RAD51B: variants seen among roughly 807,000 people sequenced by gnomAD.
RAD51B encodes the protein RAD51 paralog B, also known as DNA repair protein RAD51 homolog 2.
RAD51B carries 38 observed loss-of-function variants against 42.2 expected under a neutral mutation model. The observed-to-expected ratio is 0.90, with a 90% CI of 0.70 to 1.18. The LOEUF is 1.18. Ranked by LOEUF, RAD51B falls within the 50% of genes most tolerant of loss-of-function variation. The pLI is 0.00. For missense variants in RAD51B, 373 were observed against 400.7 expected (o/e 0.93, Z 0.59); for synonymous variants, 154 against 145.2 (o/e 1.06, Z -0.43).
At chr14:67,922,547 ATT>A (rs796316732) in intron 7 of RAD51B, among the ~76,000 whole-genome samples, 7 of 143,868 alleles carry the variant, frequency 4.9e-5, no homozygotes, top group Non-Finnish European at 7.7e-5. Flanking sequence ...TATGTACTTA[ATT>A]TTTTTTTTTT....
At chr14:68,191,092 G>A (rs1248877159) in intron 7 of RAD51B, among the ~76,000 whole-genome samples, 3 of 152,052 alleles carry the variant, frequency 2.0e-5, no homozygotes, top group Non-Finnish European at 4.4e-5. Context: ...ATATAAAAAA[G>A]TACTTGTGTT....
intron 11 of RAD51B, among the ~76,000 whole-genome samples, chr14:68,672,531 ACTTT>A (rs1893179735): frequency 6.6e-6 from 1 of 152,140 alleles, no homozygotes; most frequent in Non-Finnish European, 1.5e-5. Flanking sequence ...CTATTTAAGA[ACTTT>A]CTTTCTCTCA....
chr14:67,983,356 G>T (rs965471457), intron 7 of RAD51B, among the ~76,000 whole-genome samples: 1 of 152,138 alleles, frequency 6.6e-6, no homozygotes, highest in Non-Finnish European at 1.5e-5. Context: ...CCCATATTTT[G>T]CTGCTTCTGT....
intron 10 of RAD51B, among the ~76,000 whole-genome samples, chr14:68,553,272 A>T (rs1376839889): frequency 2.0e-5 from 3 of 152,324 alleles, no homozygotes; most frequent in African/African-American, 7.2e-5. Context: ...CTTTATCCAT[A>T]AATCTTTTGG....
intron 10 of RAD51B, among the ~76,000 whole-genome samples, chr14:68,554,860 T>C (rs1451634422): frequency 6.6e-6 from 1 of 151,782 alleles, no homozygotes; most frequent in Non-Finnish European, 1.5e-5. Flanking sequence ...AAAAGTTTTT[T>C]TTTTTTTTTT....
chr14:68,293,382 T>C (rs2081551858), intron 8 of RAD51B, among the ~76,000 whole-genome samples: 2 of 152,224 alleles, frequency 1.3e-5, no homozygotes, highest in Non-Finnish European at 2.9e-5. Flanking sequence ...AATCAGCAAA[T>C]GCTGAAAATC....
At chr14:68,402,229 T>G (rs1320528192) in intron 8 of RAD51B, among the ~76,000 whole-genome samples, 1 of 152,234 alleles carries the variant, frequency 6.6e-6, no homozygotes, top group Non-Finnish European at 1.5e-5. Flanking sequence ...TAACCTATTA[T>G]AGGCAGTTTC....
At chr14:68,159,966 C>A (rs2078602545) in intron 7 of RAD51B, among the ~76,000 whole-genome samples, 1 of 152,032 alleles carries the variant, frequency 6.6e-6, no homozygotes, top group African/African-American at 2.4e-5. Context: ...CTACCCTATA[C>A]CCACAACAGA....
chr14:68,644,642 G>C (rs1301197842), intron 10 of RAD51B, among the ~76,000 whole-genome samples: 2 of 152,168 alleles, frequency 1.3e-5, no homozygotes, highest in Non-Finnish European at 2.9e-5. Context: ...AGAAGAAGTG[G>C]AATCTCTGCT....
chr14:68,563,446 A>G (rs2140023801), intron 10 of RAD51B: 3 of 985,454 alleles, frequency 3.0e-6, no homozygotes, highest in East Asian at 1.1e-4. Flanking sequence ...GGGAAGTGAC[A>G]AGGTAACAGA....
intron 7 of RAD51B, among the ~76,000 whole-genome samples, chr14:68,228,664 G>A (rs1385166013): frequency 6.6e-6 from 1 of 152,152 alleles, no homozygotes; most frequent in Non-Finnish European, 1.5e-5. Flanking sequence ...TGAGAATTCA[G>A]TCTGGTTAAA....
chr14:68,026,768 A>G (rs1324943128), intron 7 of RAD51B, among the ~76,000 whole-genome samples: 2 of 152,066 alleles, frequency 1.3e-5, no homozygotes, highest in African/African-American at 2.4e-5. Flanking sequence ...TTAACAGCAG[A>G]CGGTTGAGTC....
chr14:68,516,405 C>T (rs1288224613), intron 10 of RAD51B, among the ~76,000 whole-genome samples: 1 of 152,178 alleles, frequency 6.6e-6, no homozygotes, highest in Non-Finnish European at 1.5e-5. Context: ...AATCTCTTGA[C>T]TGTCCGGCTT....
At chr14:68,033,094 TC>T (rs996844121) in intron 7 of RAD51B, among the ~76,000 whole-genome samples, 1 of 151,982 alleles carries the variant, frequency 6.6e-6, no homozygotes, top group Non-Finnish European at 1.5e-5. Context: ...GTTCCTTATC[TC>T]CCCCCAAGAT....
chr14:68,432,460 G>C (rs949243463), intron 9 of RAD51B, among the ~76,000 whole-genome samples: 1 of 152,176 alleles, frequency 6.6e-6, no homozygotes, highest in Non-Finnish European at 1.5e-5. Flanking sequence ...ATATATTTAG[G>C]ATAGTTAGCT....
At chr14:68,561,320 A>G (rs2140018922) in intron 10 of RAD51B, among the ~76,000 whole-genome samples, 1 of 152,278 alleles carries the variant, frequency 6.6e-6, no homozygotes, top group South Asian at 2.1e-4. Flanking sequence ...CCCACCACTC[A>G]AAGTCTTATT....
chr14:68,271,822 A>G (rs2081109745), intron 7 of RAD51B, among the ~76,000 whole-genome samples: 1 of 152,236 alleles, frequency 6.6e-6, no homozygotes, highest in African/African-American at 2.4e-5. Flanking sequence ...GCTTAGCTTT[A>G]TTGCTCACAC....
intron 7 of RAD51B, among the ~76,000 whole-genome samples, chr14:68,039,049 C>G (rs535691086): frequency 3.3e-4 from 50 of 152,202 alleles, no homozygotes; most frequent in Non-Finnish European, 5.4e-4. Flanking sequence ...TCAGCAAACA[C>G]AACCAATCAG....
At chr14:68,360,705 C>T (rs2083006957) in intron 8 of RAD51B, among the ~76,000 whole-genome samples, 1 of 152,190 alleles carries the variant, frequency 6.6e-6, no homozygotes, top group South Asian at 2.1e-4. Flanking sequence ...TAACAAAAGA[C>T]AGGTTGATGA....
Sources: allele counts gnomAD v4.1 joint callset (sites outside exome capture counted in the v4.1 genomes callset), GRCh38; gene constraint gnomAD v4.1.1; transcripts MANE v1.5; gene names NCBI Gene and HGNC (gene_info 2026-07-23, HGNC 2026-07-21).